The following KIF11 variants were observed in gnomAD, a reference collection of about 807,000 sequenced individuals.
The protein encoded by KIF11 is kinesin family member 11, also known as kinesin-like protein KIF11.
In KIF11, 9 loss-of-function variants were observed where a neutral mutation model predicts 121.0. That is an observed-to-expected ratio of 0.07 (90% confidence interval 0.04 to 0.13). The LOEUF is 0.13. KIF11 is among the 10% of genes least tolerant of loss of function. KIF11 has a pLI of 1.00. For missense variants in KIF11, 846 were observed against 1,217.5 expected (o/e 0.69, Z 4.54); for synonymous variants, 408 against 421.0 (o/e 0.97, Z 0.38).
At chr10:92,623,556 TAATAG>T (rs1844640136) in intron 10 of KIF11, among the ~76,000 whole-genome samples, 1 of 152,226 alleles carries the variant, frequency 6.6e-6, no homozygotes, top group African/African-American at 2.4e-5. Context: ...GTTAACACTC[TAATAG>T]TATATAAATC....
chr10:92,640,905 C>T (rs1352694479), intron 17 of KIF11, among the ~76,000 whole-genome samples: 1 of 152,104 alleles, frequency 6.6e-6, no homozygotes, highest in African/African-American at 2.4e-5. Context: ...TACCACCATG[C>T]CTGGCTAATT....
chr10:92,613,257 G>A lies in KIF11; in HGVS notation c.790-120G>A. 9.3e-7 allele frequency: 1 copy of A among 1,080,512 alleles called. No individual in the cohort carries two copies. Among genetic ancestry groups the A allele is most frequent in the South Asian group, 1.7e-5 (1 of 60,304 alleles). 66.9% of individuals were successfully genotyped at this position (1,080,512 alleles called of 1,614,324 possible). On this transcript the variant is annotated intron_variant, in intron 7 of 21. Transcript: ENST00000260731. The surrounding 1 kb of genome is among the most constrained non-coding windows in gnomAD (Gnocchi z 4.2). The stretch of plus-strand genomic sequence containing the variant: ...AGCTTTGTAGTGGGAGAAGAAATTT[G>A]TTAATTACAGAAAAAATTATTTTGC...
chr10:92,640,013 G>T (rs1589605138), intron 17 of KIF11, 113 bp downstream of exon 17: 2 of 575,908 alleles, frequency 3.5e-6, no homozygotes, highest in South Asian at 4.5e-5. Flanking sequence ...TTTCTCTTTT[G>T]TTAATATTTT....
chr10:92,649,280 C>T (rs761829388), intron 19 of KIF11, among the ~76,000 whole-genome samples: 8 of 152,118 alleles, frequency 5.3e-5, no homozygotes, highest in Admixed American at 2.0e-4. Context: ...TTTTGTAAAT[C>T]ATGAGAGCAT....
At chr10:92,633,106 T>G (rs575871476) in intron 13 of KIF11, among the ~76,000 whole-genome samples, 2 of 152,308 alleles carry the variant, frequency 1.3e-5, no homozygotes, top group Admixed American at 1.3e-4. Flanking sequence ...TTTGCTATAT[T>G]GTCAGAATAT....
At chr10:92,604,945 G>T (rs1272685326) in intron 1 of KIF11, among the ~76,000 whole-genome samples, 2 of 152,072 alleles carry the variant, frequency 1.3e-5, no homozygotes, top group African/African-American at 4.8e-5. Flanking sequence ...CATGGTAGTT[G>T]TTGCTGGGGA....
intron 17 of KIF11, among the ~76,000 whole-genome samples, chr10:92,641,128 GT>G (rs1402274158): frequency 2.6e-5 from 4 of 151,998 alleles, no homozygotes; most frequent in Admixed American, 2.6e-4. Flanking sequence ...TCAGACCTAT[GT>G]TTTCTTTTAG....
chr10:92,614,725 T>C (rs1335908542), intron 8 of KIF11, among the ~76,000 whole-genome samples: 1 of 152,180 alleles, frequency 6.6e-6, no homozygotes. Context: ...ACAAAGATGG[T>C]AAAATGTACG....
At chr10:92,644,908 TAGAA>T (rs552951546) in intron 17 of KIF11, among the ~76,000 whole-genome samples, 32 of 152,340 alleles carry the variant, frequency 2.1e-4, no homozygotes, top group African/African-American at 7.7e-4. Context: ...TTTTAATTAT[TAGAA>T]AGCTTTATAG....
chr10:92,647,085 G>T (rs1416572162), intron 18 of KIF11, among the ~76,000 whole-genome samples: 1 of 152,118 alleles, frequency 6.6e-6, no homozygotes, highest in Non-Finnish European at 1.5e-5. Context: ...ACACAGCAAA[G>T]CATTTTGTGC....
chr10:92,608,875 A>G, intron 4 of KIF11, 145 bp from the exon 5 acceptor site: 3 of 514,770 alleles, frequency 5.8e-6, no homozygotes, highest in Non-Finnish European at 1.0e-5. Context: ...CTTCTCTAAC[A>G]TTAGGTTAGT....
intron 9 of KIF11, among the ~76,000 whole-genome samples, chr10:92,618,278 G>GT (rs3980476): frequency 1.6e-4 from 24 of 145,624 alleles, no homozygotes; most frequent in South Asian, 8.5e-4. Flanking sequence ...TTTCCTTGAT[G>GT]TTTTTTTTTT....
At chr10:92,653,128 G>A (rs1589610255) in intron 21 of KIF11, among the ~76,000 whole-genome samples, 1 of 152,346 alleles carries the variant, frequency 6.6e-6, no homozygotes, top group South Asian at 2.1e-4. Flanking sequence ...GCTTAAAACA[G>A]AATTGGCTTT....
At chr10:92,652,433 C>T (rs1266649936) in intron 21 of KIF11, among the ~76,000 whole-genome samples, 1 of 152,184 alleles carries the variant, frequency 6.6e-6, no homozygotes, top group Non-Finnish European at 1.5e-5. Flanking sequence ...AGCCACCGCG[C>T]TCGGCCTGTA....
intron 12 of KIF11, 80 bp downstream of exon 12, chr10:92,630,444 TTC>T (rs1256352094): frequency 2.9e-6 from 2 of 695,298 alleles, no homozygotes; most frequent in Non-Finnish European, 4.5e-6. Context: ...GCATTAAATA[TTC>T]TGTTTATTCA....
intron 10 of KIF11, among the ~76,000 whole-genome samples, chr10:92,622,381 G>A (rs1172746242): frequency 6.6e-6 from 1 of 151,420 alleles, no homozygotes; most frequent in African/African-American, 2.4e-5. Flanking sequence ...TTGGGAGGCT[G>A]AGGCAGGCAG....
intron 16 of KIF11, 130 bp downstream of exon 16, chr10:92,637,675 T>C (rs1844822250): frequency 1.2e-6 from 1 of 835,030 alleles, no homozygotes; most frequent in Non-Finnish European, 1.8e-6. Flanking sequence ...CCATAGCCAC[T>C]GTTGCTTATA....
At chr10:92,612,944 T>G in intron 6 of KIF11, 96 bp from the exon 7 acceptor site, 1 of 674,308 alleles carries the variant, frequency 1.5e-6, no homozygotes, top group Non-Finnish European at 2.6e-6. Context: ...TCTCTACTCA[T>G]GTGGATTTAG....
rs1844519725 is a variant in KIF11 at position 92,613,707 on chromosome 10, G to C, written c.1032+88G>C. ...TTTTAAAAGTTCATTTACTAGGATG[G>C]ACACAGTGACTCACACCTGTAAACC... On this transcript the variant is annotated intron_variant, in intron 8 of 21. Coordinates refer to ENST00000260731, the MANE Select transcript of KIF11 (RefSeq NM_004523.4). The surrounding 1 kb of genome is among the most constrained non-coding windows in gnomAD (Gnocchi z 4.2). 2 of 1,268,042 alleles carry C rather than the reference G, an allele frequency of 1.6e-6. No homozygotes were observed. The highest frequency in any genetic ancestry group is 2.2e-6 in the Non-Finnish European group (2 of 921,522). The allele number at this position is 1,268,042 out of a possible 1,614,324, so 78.5% of individuals were successfully genotyped here.
Sources: gnomAD v4.1 joint callset for allele counts (sites outside exome capture counted in the v4.1 genomes callset) on GRCh38, gnomAD v4.1.1 for gene constraint, Gnocchi (gnomAD v3.1) non-coding constraint, MANE v1.5 for transcripts, NCBI Gene and HGNC (gene_info 2026-07-23, HGNC 2026-07-21) for gene names.